LRRC37A2: variants seen among roughly 807,000 people sequenced by gnomAD.
The protein encoded by LRRC37A2 is leucine-rich repeat-containing protein 37A2.
Under a neutral mutation model 68.8 loss-of-function variants are expected in LRRC37A2, and 9 were observed. The ratio of observed to expected loss-of-function variants is 0.13; its 90% CI spans 0.08 to 0.23. The LOEUF (loss-of-function observed/expected upper bound fraction) is 0.23. Among genes scored for constraint, LRRC37A2 ranks in the 10% least tolerant of loss-of-function variants. The pLI, the probability that LRRC37A2 is intolerant of heterozygous loss-of-function variation, is 1.00. For synonymous variants in LRRC37A2, 63 were observed against 367.6 expected, an observed-to-expected ratio of 0.17 and a Z score of 9.48; for missense variants, 168 against 950.4, an observed-to-expected ratio of 0.18 and a Z score of 10.82.
chr17:46,403,823 C>T, the LRRC37A2 span, among the ~76,000 whole-genome samples: 1 of 72,068 alleles, frequency 1.4e-5, no homozygotes, highest in African/African-American at 5.0e-5. Flanking sequence ...CTCAGCCTCC[C>T]AAGTAGCTGG....
the LRRC37A2 span, among the ~76,000 whole-genome samples, chr17:46,703,619 T>C: frequency 6.9e-6 from 1 of 143,998 alleles, no homozygotes. Flanking sequence ...GAGGTGGAGC[T>C]TGCAGCGTCC....
At chr17:46,879,687 C>G in the LRRC37A2 span, among the ~76,000 whole-genome samples, 45 of 152,334 alleles carry the variant, frequency 3.0e-4, 1 homozygote, top group Admixed American at 2.7e-3. Context: ...TACTGAACAT[C>G]TCCATAGACC....
chr17:46,851,529 C>A, the LRRC37A2 span: 1 of 504,102 alleles, frequency 2.0e-6, no homozygotes, highest in Non-Finnish European at 3.0e-6. This position sits in a 1 kb window ranked among gnomAD's most constrained non-coding sequence, Gnocchi z 4.3. Context: ...CCTTTCCCAG[C>A]GCCGCCTGCC....
chr17:46,906,711 C>T, the LRRC37A2 span, among the ~76,000 whole-genome samples: 1 of 152,086 alleles, frequency 6.6e-6, no homozygotes, highest in African/African-American at 2.4e-5. Flanking sequence ...ATGCCCACTT[C>T]ATATAGGAAG....
chr17:46,876,815 C>T, the LRRC37A2 span: 6 of 1,445,042 alleles, frequency 4.2e-6, no homozygotes, highest in Non-Finnish European at 1.8e-6. Context: ...TCATCACATG[C>T]ATGCATAAAC....
the LRRC37A2 span, among the ~76,000 whole-genome samples, chr17:46,858,199 G>A: frequency 6.6e-6 from 1 of 152,162 alleles, no homozygotes; most frequent in Non-Finnish European, 1.5e-5. Flanking sequence ...CAAAGTGCTG[G>A]GATTACAGGC....
At chr17:46,791,051 CTGTT>C in the LRRC37A2 span, among the ~76,000 whole-genome samples, 30 of 152,196 alleles carry the variant, frequency 2.0e-4, no homozygotes, top group African/African-American at 6.5e-4. Context: ...TGGGGTGTAT[CTGTT>C]TGTGAGTAGG....
chr17:46,633,829 A>G, the LRRC37A2 span, among the ~76,000 whole-genome samples: 1 of 117,098 alleles, frequency 8.5e-6, no homozygotes, highest in Admixed American at 8.8e-5. Context: ...TCTTTTGCCT[A>G]TCAAAGTTAC....
chr17:46,861,787 G>T, the LRRC37A2 span, among the ~76,000 whole-genome samples: 1 of 152,210 alleles, frequency 6.6e-6, no homozygotes, highest in Admixed American at 6.5e-5. Flanking sequence ...TGGTTTTAGG[G>T]CAAGACCAAA....
At chr17:46,820,452 G>C in the LRRC37A2 span, among the ~76,000 whole-genome samples, 1 of 151,974 alleles carries the variant, frequency 6.6e-6, no homozygotes, top group Non-Finnish European at 1.5e-5. Context: ...GGGGGAGGCT[G>C]AGCCACCGGT....
the LRRC37A2 span, chr17:46,762,748 T>C: frequency 6.6e-6 from 1 of 152,136 alleles, no homozygotes; most frequent in Non-Finnish European, 1.5e-5. Context: ...GAAATTTCGG[T>C]TGGATACTAT....
chr17:46,678,508 A>G, the LRRC37A2 span, among the ~76,000 whole-genome samples: 1 of 151,528 alleles, frequency 6.6e-6, no homozygotes, highest in African/African-American at 2.4e-5. Flanking sequence ...AGAGAGAGAG[A>G]GAATACCGTT....
At chr17:46,815,773 C>T in the LRRC37A2 span, among the ~76,000 whole-genome samples, 1 of 152,200 alleles carries the variant, frequency 6.6e-6, no homozygotes, top group African/African-American at 2.4e-5. Flanking sequence ...CTTGCCATCC[C>T]TGGCCAGCTG....
chr17:46,964,408 T>C, the LRRC37A2 span: 1 of 152,262 alleles, frequency 6.6e-6, no homozygotes, highest in African/African-American at 2.4e-5. Flanking sequence ...AAAAGCAGCC[T>C]CTGCGAGCCT....
At chr17:46,908,533 T>C in the LRRC37A2 span, among the ~76,000 whole-genome samples, 4 of 151,926 alleles carry the variant, frequency 2.6e-5, no homozygotes. Context: ...TTGGTGGATG[T>C]TGAGTGGGGA....
At chr17:46,884,522 A>T in the LRRC37A2 span, among the ~76,000 whole-genome samples, 1 of 152,194 alleles carries the variant, frequency 6.6e-6, no homozygotes, top group Non-Finnish European at 1.5e-5. Flanking sequence ...TTTCCTTTCC[A>T]GCCTGATGAC....
the LRRC37A2 span, among the ~76,000 whole-genome samples, chr17:47,004,778 C>T: frequency 6.6e-6 from 1 of 152,236 alleles, no homozygotes; most frequent in Non-Finnish European, 1.5e-5. Context: ...AATCCTCTCG[C>T]CTCAACCTCC....
the LRRC37A2 span, among the ~76,000 whole-genome samples, chr17:46,904,446 CTGGATGGATGGATGGATGGATGGA>C: frequency 2.2e-5 from 3 of 136,958 alleles, no homozygotes; most frequent in East Asian, 2.3e-4. Context: ...GGCTGGCTGA[CTGGATGGATGGATGGATGGATGGA>C]TGGATGGATG....
chr17:46,988,125 T>C, the LRRC37A2 span, among the ~76,000 whole-genome samples: 1 of 152,180 alleles, frequency 6.6e-6, no homozygotes, highest in Non-Finnish European at 1.5e-5. Context: ...TGAGCCGAGA[T>C]TGCATCACTG....
Sources: gnomAD v4.1 joint callset for allele counts (sites outside exome capture counted in the v4.1 genomes callset) on GRCh38, gnomAD v4.1.1 for gene constraint, Gnocchi (gnomAD v3.1) non-coding constraint, MANE v1.5 for transcripts, NCBI Gene and HGNC (gene_info 2026-07-23, HGNC 2026-07-21) for gene names.